The following TBC1D16 variants were observed in gnomAD, a reference collection of about 807,000 sequenced individuals.
TBC1D16 encodes the protein TBC1 domain family member 16.
Under a neutral mutation model 74.7 loss-of-function variants are expected in TBC1D16, and 58 were observed. The observed-to-expected ratio is 0.78, with a 90% CI of 0.63 to 0.97. The LOEUF (loss-of-function observed/expected upper bound fraction) is 0.97, where lower values mean the gene tolerates loss of function less well. TBC1D16 is among the 50% of genes least tolerant of loss of function. The pLI is 0.00. For missense variants in TBC1D16, 1,014 were observed against 1,079.5 expected (o/e 0.94, Z 0.85); for synonymous variants, 493 against 474.7 (o/e 1.04, Z -0.50).
rs1453454015 is a variant in TBC1D16 at position 79,985,076 on chromosome 17, G to A, written c.779+25084C>T. Reference sequence around the variant, plus strand: ...CAGTTCTGGAGGTCAAAGTCAAGGTGCTAGTCGGGCCGCGCCCCCTCTGAA... The same window carrying A: ...CAGTTCTGGAGGTCAAAGTCAAGGTACTAGTCGGGCCGCGCCCCCTCTGAA... On this transcript the variant is annotated intron_variant, in intron 3 of 11. Coordinates refer to ENST00000310924, the MANE Select transcript of TBC1D16 (RefSeq NM_019020.4). The surrounding 1 kb of genome is among the most constrained non-coding windows in gnomAD (Gnocchi z 4.9). Among the ~76,000 whole-genome samples, 1 of 152,168 alleles carries A rather than the reference G, an allele frequency of 6.6e-6. No individual in the cohort carries two copies. Among genetic ancestry groups the A allele is most frequent in the African/African-American group, 2.4e-5 (1 of 41,428 alleles).
In TBC1D16 at chr17:79,960,779, CAAAAAAAAAA is replaced by C. The variant is rs746450905; in HGVS notation, c.780-7971_780-7962del. Among the ~76,000 whole-genome samples, 2 of 33,948 alleles carry C rather than the reference CAAAAAAAAAA, an allele frequency of 5.9e-5. 1 individual carries two copies. The highest frequency in any genetic ancestry group is 1.0e-3 in the Admixed American group (2 of 1,914). 22.3% of individuals were successfully genotyped at this position (33,948 alleles called of 152,430 possible). On this transcript the variant is annotated intron_variant, in intron 3 of 11. Coordinates refer to ENST00000310924, the MANE Select transcript of TBC1D16 (RefSeq NM_019020.4). The stretch of plus-strand genomic sequence containing the variant: ...CAAAAAAACCCAAAAAACAAAAACC[CAAAAAAAAAA>C]AAAAAAAAAAAAAAAAAAAACGAAG...
chr17:79,978,608 G>A (rs572662944), intron 3 of TBC1D16, among the ~76,000 whole-genome samples: 76 of 152,324 alleles, frequency 5.0e-4, no homozygotes, highest in Non-Finnish European at 8.7e-4. Context: ...AAATTCCACT[G>A]AACAGATCTC....
chr17:80,032,096 A>G (rs79358885), intron 1 of TBC1D16, among the ~76,000 whole-genome samples: 8,495 of 152,298 alleles, frequency 0.056, 724 homozygotes, highest in African/African-American at 0.18. Context: ...ATATTGGAGC[A>G]TTGAATTCAG....
Position 79,962,909 on chromosome 17 carries a change from G to A in TBC1D16, c.780-10091C>T, listed in dbSNP as rs547969727. Among the ~76,000 whole-genome samples the A allele has an allele frequency of 7.2e-5, 11 of 152,114 alleles. No homozygotes were observed. In the East Asian group the frequency reaches 2.1e-3, roughly 30 times the overall value. ...AAACCCCATCTCTACTAAAAATACA[G>A]AAATTAGCCAGGTGTGGTGGCATGA... On this transcript the variant is annotated intron_variant, in intron 3 of 11. Transcript: ENST00000310924.
chr17:80,017,617 G>A (rs1233856115), intron 1 of TBC1D16, among the ~76,000 whole-genome samples: 1 of 148,194 alleles, frequency 6.7e-6, no homozygotes, highest in African/African-American at 2.5e-5. Context: ...GGGGGCAGAG[G>A]TTGTGGTGAG....
rs944049529 is a variant in TBC1D16, at chr17:79,987,238, AT to A, written c.779+22921del. Among the ~76,000 whole-genome samples, 2 of 149,414 alleles carry A rather than the reference AT, an allele frequency of 1.3e-5. No homozygotes were observed. The stretch of plus-strand genomic sequence containing the variant: ...CGGGGAATAAGCATTTCTTTAAGGA[AT>A]TTTTTTTTTACTTTTTTTTCAGACT... On this transcript the variant is annotated intron_variant, in intron 3 of 11. Transcript: ENST00000310924. This position sits in a 1 kb window ranked among gnomAD's most constrained non-coding sequence, Gnocchi z 5.2.
At chr17:80,018,613 CTTTTTTT>C (rs74490917) in intron 1 of TBC1D16, among the ~76,000 whole-genome samples, 1 of 141,092 alleles carries the variant, frequency 7.1e-6, no homozygotes. Context: ...CTTTTACATT[CTTTTTTT>C]TTTTTTAGAG....
Position 79,983,303 on chromosome 17 carries a change from A to G in TBC1D16, c.779+26857T>C, listed in dbSNP as rs1209094743. Among the ~76,000 whole-genome samples the G allele has an allele frequency of 6.6e-6, 1 of 152,216 alleles. No individual in the cohort carries two copies. The highest frequency in any genetic ancestry group is 1.5e-5 in the Non-Finnish European group (1 of 68,034). On this transcript the variant is annotated intron_variant, in intron 3 of 11. Coordinates refer to ENST00000310924, the MANE Select transcript of TBC1D16 (RefSeq NM_019020.4). The surrounding 1 kb of genome is among the most constrained non-coding windows in gnomAD (Gnocchi z 5.6). ...CTCTCAGCTGGCCCCACCCCAGGAA[A>G]TGCAGTCGGTGTGTCTTAGGAGGTT...
chr17:79,957,845 A>C (rs1312533378), intron 3 of TBC1D16, among the ~76,000 whole-genome samples: 1 of 135,070 alleles, frequency 7.4e-6, no homozygotes, highest in Non-Finnish European at 1.6e-5. Flanking sequence ...GCTTCAAAAA[A>C]TAACATCTAT....
At chr17:80,029,821 C>T (rs369951083) in intron 1 of TBC1D16, among the ~76,000 whole-genome samples, 200 of 152,262 alleles carry the variant, frequency 1.3e-3, no homozygotes, top group Middle Eastern at 0.01. Flanking sequence ...GGTCTGAAAT[C>T]TGGAATGGGT....
intron 3 of TBC1D16, among the ~76,000 whole-genome samples, chr17:79,982,001 G>A (rs2034603826): frequency 6.6e-6 from 1 of 152,228 alleles, no homozygotes; most frequent in Admixed American, 6.5e-5. Flanking sequence ...GAATTTTTCA[G>A]TTACTATATC....
intron 3 of TBC1D16, among the ~76,000 whole-genome samples, chr17:79,984,858 A>G (rs2034766433): frequency 6.6e-6 from 1 of 152,280 alleles, no homozygotes; most frequent in South Asian, 2.1e-4. Context: ...AGAAACAAAA[A>G]GCAGGTCCTA....
At chr17:79,999,846 C>T (rs1054525370) in intron 3 of TBC1D16, among the ~76,000 whole-genome samples, 1 of 151,836 alleles carries the variant, frequency 6.6e-6, no homozygotes, top group African/African-American at 2.4e-5. Context: ...GCCTGGCCAC[C>T]CTCGAATTTC....
rs1161186183 is a variant in TBC1D16 at position 79,994,951 on chromosome 17, T to A, written c.779+15209A>T. Among the ~76,000 whole-genome samples the A allele has an allele frequency of 6.6e-6, 1 of 152,220 alleles. No homozygotes were observed. Among genetic ancestry groups the A allele is most frequent in the African/African-American group, 2.4e-5 (1 of 41,456 alleles). On this transcript the variant is annotated intron_variant, in intron 3 of 11. Coordinates refer to ENST00000310924, the MANE Select transcript of TBC1D16 (RefSeq NM_019020.4). This position sits in a 1 kb window ranked among gnomAD's most constrained non-coding sequence, Gnocchi z 4.6. Reference sequence around the variant, plus strand: ...ATACTATTTTGAACAAGCTGGGTAATTTACAAAAATTTTCACCTTTTTGTT... The same window carrying A: ...ATACTATTTTGAACAAGCTGGGTAAATTACAAAAATTTTCACCTTTTTGTT...
Position 80,013,481 on chromosome 17 carries a change from C to A in TBC1D16, c.67G>T (p.Gly23Cys), listed in dbSNP as rs753753321. 4 of 1,591,302 alleles carry A rather than the reference C, an allele frequency of 2.5e-6. No homozygotes were observed. The African/African-American group carries it at 5.4e-5, about 21-fold the overall frequency. The change falls in exon 2 of 12, where the codon GGT (glycine) becomes TGT (cysteine). Residue 23 changes from glycine (G) to cysteine (C), a missense_variant. Transcript: ENST00000310924. ...GAGGGGGACCCGCTGCCGCTGCCAC[C>A]GGGGGTGAGGGTCAGGAGGTCCGAG... ...KASDLLTLTP[G>C]GSGSGSPSVL...
At position 79,957,545 on chromosome 17, in the gene TBC1D16, C is replaced by T. The variant is rs2033391185; in HGVS notation, c.780-4727G>A. Among the ~76,000 whole-genome samples, 8 of 152,116 alleles carry T rather than the reference C, an allele frequency of 5.3e-5. No individual in the cohort carries two copies. The South Asian group carries it at 1.5e-3, about 28-fold the overall frequency. On this transcript the variant is annotated intron_variant, in intron 3 of 11. Coordinates refer to ENST00000310924, the MANE Select transcript of TBC1D16 (RefSeq NM_019020.4). ...AAGACCAGTGGTTGCCAGGAGCTGG[C>T]GGGGAGGTAGGAAGGTGAAGCACGG...
intron 1 of TBC1D16, among the ~76,000 whole-genome samples, chr17:80,025,146 A>ACACG (rs1568650142): frequency 2.3e-5 from 2 of 87,852 alleles, no homozygotes; most frequent in African/African-American, 1.2e-4. Context: ...AGGCACACAC[A>ACACG]AACACACCAG....
chr17:79,996,284 C>T (rs1040576428), intron 3 of TBC1D16, among the ~76,000 whole-genome samples: 9 of 152,106 alleles, frequency 5.9e-5, no homozygotes, highest in Admixed American at 3.3e-4. Context: ...ATAAGCCTTT[C>T]GATATATATT....
At chr17:79,969,069 C>A (rs185809748) in intron 3 of TBC1D16, among the ~76,000 whole-genome samples, 1 of 152,106 alleles carries the variant, frequency 6.6e-6, no homozygotes, top group Admixed American at 6.5e-5. Context: ...ATGAAAAATT[C>A]TCCACATCAT....
Sources: gnomAD v4.1 joint callset for allele counts (sites outside exome capture counted in the v4.1 genomes callset) on GRCh38, gnomAD v4.1.1 for gene constraint, Gnocchi (gnomAD v3.1) non-coding constraint, MANE v1.5 for transcripts, NCBI Gene and HGNC (gene_info 2026-07-23, HGNC 2026-07-21) for gene names.